NTRK2: variants seen among roughly 807,000 people sequenced by gnomAD.
NTRK2 encodes the protein BDNF/NT-3 growth factors receptor.
A neutral mutation model predicts 94.5 loss-of-function variants in NTRK2; 13 were observed. The ratio of observed to expected loss-of-function variants is 0.14; its 90% CI spans 0.09 to 0.22. The LOEUF (loss-of-function observed/expected upper bound fraction) is 0.22. NTRK2 is among the 10% of genes least tolerant of loss of function. The pLI, the probability that NTRK2 is intolerant of heterozygous loss-of-function variation, is 1.00. For missense variants in NTRK2, 639 were observed against 1,071.2 expected, an observed-to-expected ratio of 0.60 and a Z score of 5.63; for synonymous variants, 372 against 407.4, an observed-to-expected ratio of 0.91 and a Z score of 1.05.
intron 12 of NTRK2, among the ~76,000 whole-genome samples, chr9:84,801,843 G>A (rs1188488171): frequency 1.3e-5 from 2 of 152,178 alleles, no homozygotes; most frequent in Non-Finnish European, 2.9e-5. Flanking sequence ...TGAATGAAAG[G>A]AAAATTAATA....
intron 2 of NTRK2, 78 bp downstream of exon 2, chr9:84,671,038 T>C: frequency 7.4e-7 from 1 of 1,343,318 alleles, no homozygotes; most frequent in Non-Finnish European, 1.0e-6. Flanking sequence ...GTCCTGGAAG[T>C]GAATGCTGTC....
At chr9:84,781,396 A>G (rs2067547135) in intron 12 of NTRK2, among the ~76,000 whole-genome samples, 1 of 150,620 alleles carries the variant, frequency 6.6e-6, no homozygotes, top group Non-Finnish European at 1.5e-5. Flanking sequence ...TCTCTGGTAT[A>G]TCATACTTTT....
At chr9:84,919,242 C>T (rs912734515) in intron 14 of NTRK2, among the ~76,000 whole-genome samples, 2 of 152,142 alleles carry the variant, frequency 1.3e-5, no homozygotes, top group African/African-American at 2.4e-5. Context: ...AAAGCCTTTC[C>T]GATAGTTACC....
intron 15 of NTRK2, among the ~76,000 whole-genome samples, chr9:84,935,855 CT>C (rs896600562): frequency 1.1e-4 from 17 of 152,132 alleles, no homozygotes; most frequent in South Asian, 4.2e-4. Context: ...CTTACTGTAT[CT>C]TTTTTTTCCC....
Position 84,752,606 on chromosome 9 carries a change from CT to C in NTRK2, c.1396+530del, listed in dbSNP as rs555645322. Among the ~76,000 whole-genome samples the C allele has an allele frequency of 1.5e-3, 223 of 151,526 alleles. 1 individual carries two copies. Among genetic ancestry groups the C allele is most frequent in the Non-Finnish European group, 2.3e-3 (156 of 67,834 alleles). On this transcript the variant is annotated intron_variant, in intron 12 of 18. Coordinates refer to ENST00000277120, the MANE Select transcript of NTRK2 (RefSeq NM_006180.6). Reference sequence around the variant, plus strand: ...ATATAGAAGCTTCGTGAATACATAGCTTTTTTTTTATTTAAGTGGAAAAATT... The same window carrying C: ...ATATAGAAGCTTCGTGAATACATAGCTTTTTTTTATTTAAGTGGAAAAATT...
intron 17 of NTRK2, among the ~76,000 whole-genome samples, chr9:85,000,836 A>G (rs1386610604): frequency 6.6e-6 from 1 of 152,236 alleles, no homozygotes; most frequent in African/African-American, 2.4e-5. Context: ...AGACACTGCC[A>G]AATTGTCTTC....
chr9:84,762,454 A>G (rs572991589), intron 12 of NTRK2, among the ~76,000 whole-genome samples: 13 of 152,346 alleles, frequency 8.5e-5, no homozygotes, highest in African/African-American at 2.6e-4. Flanking sequence ...AGCCCAAAAG[A>G]CATAATTTCT....
chr9:84,830,049 C>T (rs1279673380), intron 12 of NTRK2, among the ~76,000 whole-genome samples: 2 of 152,168 alleles, frequency 1.3e-5, no homozygotes, highest in African/African-American at 4.8e-5. Flanking sequence ...TCCAAATCAT[C>T]CTATGGTGGA....
At chr9:84,907,427 T>G (rs1424177925) in intron 14 of NTRK2, among the ~76,000 whole-genome samples, 3 of 152,226 alleles carry the variant, frequency 2.0e-5, no homozygotes, top group Non-Finnish European at 4.4e-5. Context: ...TGGAGAATCT[T>G]TGGTTCCCTA....
intron 12 of NTRK2, among the ~76,000 whole-genome samples, chr9:84,781,520 G>A (rs1022938489): frequency 2.2e-4 from 34 of 152,108 alleles, no homozygotes; most frequent in Non-Finnish European, 4.0e-4. Flanking sequence ...CGTTGAAAAT[G>A]TGAATTTTGA....
chr9:84,880,060 T>A (rs1362959541), intron 14 of NTRK2, among the ~76,000 whole-genome samples: 2 of 152,230 alleles, frequency 1.3e-5, no homozygotes, highest in African/African-American at 4.8e-5. Flanking sequence ...ATTCCACTTT[T>A]TCTTTTGCCA....
intron 6 of NTRK2, among the ~76,000 whole-genome samples, chr9:84,720,017 CAAAAAA>C (rs57132074): frequency 2.3e-5 from 2 of 87,752 alleles, no homozygotes; most frequent in African/African-American, 4.5e-5. Flanking sequence ...AAGACTATCT[CAAAAAA>C]AAAAAAAAAA....
intron 10 of NTRK2, among the ~76,000 whole-genome samples, chr9:84,742,610 G>T (rs1390902987): frequency 6.6e-6 from 1 of 151,954 alleles, no homozygotes; most frequent in Non-Finnish European, 1.5e-5. Context: ...ACCCAATTGG[G>T]TCATAGTCCA....
chr9:84,969,392 C>T (rs545927695), intron 17 of NTRK2, among the ~76,000 whole-genome samples: 1 of 152,354 alleles, frequency 6.6e-6, no homozygotes, highest in South Asian at 2.1e-4. Context: ...GCAGGAAAAG[C>T]TCAATTTGCA....
intron 12 of NTRK2, among the ~76,000 whole-genome samples, chr9:84,859,764 G>A (rs1330119395): frequency 6.6e-6 from 1 of 152,212 alleles, no homozygotes; most frequent in African/African-American, 2.4e-5. Context: ...TTTAAATGGG[G>A]TTAGTTGTAA....
In NTRK2 at chr9:84,846,868, C is replaced by T. The variant is rs527878586; in HGVS notation, c.1397-14172C>T. On this transcript the variant is annotated intron_variant, in intron 12 of 18. Transcript: ENST00000277120. ...TCAAGACTCGCATCGTTCCCAGCAA[C>T]TGGAGCTGCAAATGCTCATTTCTTC... Among the ~76,000 whole-genome samples, 3 of 152,352 alleles carry T rather than the reference C, an allele frequency of 2.0e-5. No homozygotes were observed. In the South Asian group the frequency reaches 6.2e-4, roughly 32 times the overall value.
chr9:84,908,628 A>G (rs1183881485), intron 14 of NTRK2, among the ~76,000 whole-genome samples: 1 of 152,220 alleles, frequency 6.6e-6, no homozygotes, highest in African/African-American at 2.4e-5. Context: ...TTTATTGAGC[A>G]CTTATTAAAT....
chr9:84,890,467 CTTGGCT>C (rs1296934271), intron 14 of NTRK2, among the ~76,000 whole-genome samples: 7 of 152,182 alleles, frequency 4.6e-5, no homozygotes, highest in African/African-American at 1.7e-4. Context: ...ATTTCTTAGC[CTTGGCT>C]TTAGGTTGCT....
intron 12 of NTRK2, among the ~76,000 whole-genome samples, chr9:84,842,801 C>A (rs1587630876): frequency 1.3e-5 from 2 of 152,202 alleles, no homozygotes; most frequent in Admixed American, 1.3e-4. Context: ...TTTGGGAAAA[C>A]TAGACCCACT....
Sources: allele counts gnomAD v4.1 joint callset (sites outside exome capture counted in the v4.1 genomes callset), GRCh38; gene constraint gnomAD v4.1.1; transcripts MANE v1.5; gene names NCBI Gene and HGNC (gene_info 2026-07-23, HGNC 2026-07-21).